Variants in DZIP3 observed in about 807,000 individuals in gnomAD.
The protein encoded by DZIP3 is E3 ubiquitin-protein ligase DZIP3.
Under a neutral mutation model 162.0 loss-of-function variants are expected in DZIP3, and 118 were observed. The ratio of observed to expected loss-of-function variants is 0.73; its 90% CI spans 0.63 to 0.85. The LOEUF is 0.85. DZIP3 is among the 40% of genes least tolerant of loss of function. DZIP3 has a pLI of 0.00. For synonymous variants in DZIP3, 438 were observed against 458.6 expected, an observed-to-expected ratio of 0.96 and a Z score of 0.57; for missense variants, 1,331 against 1,407.0, an observed-to-expected ratio of 0.95 and a Z score of 0.86.
At chr3:108,686,899 A>T (rs1380721967) in intron 28 of DZIP3, among the ~76,000 whole-genome samples, 1 of 152,174 alleles carries the variant, frequency 6.6e-6, no homozygotes, top group Non-Finnish European at 1.5e-5. Flanking sequence ...TTATTATCTT[A>T]ACCTATCTCC....
chr3:108,608,668 T>A (rs1940526214), intron 3 of DZIP3, among the ~76,000 whole-genome samples: 1 of 152,200 alleles, frequency 6.6e-6, no homozygotes. Flanking sequence ...TTACCAGTGA[T>A]ATACTTTTAT....
At position 108,688,010 on chromosome 3, in the gene DZIP3, G is replaced by C; in HGVS notation, c.3184G>C (p.Asp1062His). 6.2e-7 allele frequency: 1 copy of C among 1,613,560 alleles called. No homozygotes were observed. Among genetic ancestry groups the C allele is most frequent in the Non-Finnish European group, 8.5e-7 (1 of 1,179,760 alleles). The change falls in exon 29 of 33, where the codon GAT becomes CAT. Residue 1062 changes from aspartate (D) to histidine (H), a missense_variant. Asp to His is a moderately conservative substitution (Grantham distance 81). Coordinates refer to ENST00000361582, the MANE Select transcript of DZIP3 (RefSeq NM_014648.4). ...TACAGATTTCTTACGGAAATTGAAG[G>C]ATGCTTATGGAAAATCCTTGTCTGA... ...ELTDFLRKLKDAYGKSLSELT... is the reference protein window; with the variant it reads ...ELTDFLRKLKHAYGKSLSELT...
At chr3:108,620,856 C>CT (rs1280181518) in intron 5 of DZIP3, among the ~76,000 whole-genome samples, 1 of 152,178 alleles carries the variant, frequency 6.6e-6, no homozygotes, top group Admixed American at 6.5e-5. Context: ...GAGTCTCACT[C>CT]TGTCACCCAG....
At chr3:108,652,100 A>G (rs551135837) in intron 18 of DZIP3, among the ~76,000 whole-genome samples, 37 of 151,894 alleles carry the variant, frequency 2.4e-4, no homozygotes, top group Non-Finnish European at 4.1e-4. Context: ...AGCGTAATAA[A>G]AATGAAACAA....
At chr3:108,680,015 A>G (rs928447127) in intron 26 of DZIP3, among the ~76,000 whole-genome samples, 1 of 152,142 alleles carries the variant, frequency 6.6e-6, no homozygotes, top group African/African-American at 2.4e-5. Context: ...AATATGATAC[A>G]TCATATCAAC....
chr3:108,628,009 G>C (rs1260422458), intron 7 of DZIP3, among the ~76,000 whole-genome samples: 2 of 151,808 alleles, frequency 1.3e-5, no homozygotes, highest in African/African-American at 2.4e-5. Context: ...CTCCCAAGTA[G>C]CTGGGATTAC....
rs1943453746 is a variant in DZIP3, at chr3:108,661,899, C to G, written c.2222C>G (p.Thr741Arg). 4 of 1,613,722 alleles carry G rather than the reference C, an allele frequency of 2.5e-6. No individual in the cohort carries two copies. The highest frequency in any genetic ancestry group is 3.4e-6 in the Non-Finnish European group (4 of 1,179,886). The change falls in exon 20 of 33, where the codon ACA (threonine) becomes AGA (arginine). Residue 741 changes from threonine to arginine, a missense_variant. Physicochemically the swap from Thr to Arg is moderately conservative, Grantham distance 71 (BLOSUM62 -1). Transcript: ENST00000361582. ...IEQGSAGKVT[T>R]DYGETEKERL... ...TAGGGCTCAGCTGGCAAAGTAACTA[C>G]AGACTATGGAGAAACTGAAAAGGAA...
Position 108,688,662 on chromosome 3 carries a change from G to T in DZIP3, c.3340G>T (p.Ala1114Ser), listed in dbSNP as rs1471446855. The change falls in exon 30 of 33, where the codon GCC becomes TCC. Residue 1114 changes from alanine (A) to serine (S), a missense_variant. By Grantham distance (99) the Ala-to-Ser change is moderately conservative. Transcript: ENST00000361582. ...TCATTCTCCATCACAGCCTGATGCTGCCCAGCCCCCAAAACCAGCCTGGAG... is the reference window on the plus strand; with the variant it reads ...TCATTCTCCATCACAGCCTGATGCTTCCCAGCCCCCAAAACCAGCCTGGAG... ...PSHSPSQPDAAQPPKPAWRPL... is the reference protein window; with the variant it reads ...PSHSPSQPDASQPPKPAWRPL... The T allele has an allele frequency of 6.2e-7, 1 of 1,614,092 alleles. No individual in the cohort carries two copies. Among genetic ancestry groups the T allele is most frequent in the Non-Finnish European group, 8.5e-7 (1 of 1,180,010 alleles).
intron 8 of DZIP3, 81 bp from the exon 9 acceptor site, chr3:108,632,872 G>C (rs1576388932): frequency 2.5e-6 from 2 of 815,570 alleles, no homozygotes; most frequent in East Asian, 3.4e-5. Flanking sequence ...ATATTACCAA[G>C]GTAAAACATG....
intron 19 of DZIP3, among the ~76,000 whole-genome samples, chr3:108,654,946 C>T (rs1195537683): frequency 1.3e-5 from 2 of 152,128 alleles, no homozygotes; most frequent in Non-Finnish European, 2.9e-5. Flanking sequence ...TGTAGGAATA[C>T]TCATTGTCTA....
intron 7 of DZIP3, among the ~76,000 whole-genome samples, chr3:108,627,459 G>T (rs1382766254): frequency 6.6e-6 from 1 of 152,114 alleles, no homozygotes; most frequent in Non-Finnish European, 1.5e-5. Context: ...TTAGTGGTGG[G>T]TTCTGTGTTT....
rs749443849 is a variant in DZIP3 at position 108,651,159 on chromosome 3, A to G, written c.2030A>G (p.Gln677Arg). ...CAGAATAAAGACTCAAAAGAAGACC[A>G]AGTGTAAGTATTAGTTTATTTAATT... Reference protein sequence around the residue: ...NKKNKDSKEDQVPYVVEKEEQ... With the variant: ...NKKNKDSKEDRVPYVVEKEEQ... Residue 677 changes from glutamine to arginine, a missense_variant, in exon 18 of 33, where the codon CAA (glutamine) becomes CGA (arginine). Around this residue, in one of 2 missense-constraint regions of DZIP3, gnomAD observed 1,278 missense variants for 1,317.1 expected, o/e 0.97. Transcript: ENST00000361582. 2 of 748,012 alleles carry G rather than the reference A, an allele frequency of 2.7e-6. No homozygotes were observed. Among genetic ancestry groups the G allele is most frequent in the South Asian group, 2.1e-5 (1 of 47,906 alleles). The allele number at this position is 748,012 out of a possible 1,614,324, so 46.3% of individuals were successfully genotyped here.
intron 3 of DZIP3, among the ~76,000 whole-genome samples, chr3:108,610,133 G>C (rs933274578): frequency 6.6e-6 from 1 of 151,982 alleles, no homozygotes. Flanking sequence ...GTTAGTAAAC[G>C]GTTAACATTT....
At chr3:108,630,387 A>G (rs866791749) in intron 8 of DZIP3, among the ~76,000 whole-genome samples, 5 of 152,246 alleles carry the variant, frequency 3.3e-5, no homozygotes, top group Middle Eastern at 3.4e-3. Context: ...ATAAAATTCA[A>G]TTATCCAGGA....
chr3:108,624,670 CTTACCATTCATGTAAAATAAAAAA>C (rs900376274), intron 6 of DZIP3, 146 bp downstream of exon 6: 11 of 464,672 alleles, frequency 2.4e-5, no homozygotes, highest in African/African-American at 4.1e-5. Flanking sequence ...CTTTTGAATG[CTTACCATTCATGTAAAATAAAAAA>C]TTATTTAGCT....
At chr3:108,684,973 G>A (rs1490430653) in intron 27 of DZIP3, among the ~76,000 whole-genome samples, 5 of 152,144 alleles carry the variant, frequency 3.3e-5, no homozygotes, top group Non-Finnish European at 5.9e-5. Context: ...AAAGAATGAT[G>A]TTAGATGTAA....
chr3:108,624,300 G>T, intron 5 of DZIP3, 144 bp from the exon 6 acceptor site: 3 of 332,980 alleles, frequency 9.0e-6, no homozygotes, highest in Non-Finnish European at 1.9e-5. Context: ...ATACATTATC[G>T]TTATTATTAG....
At chr3:108,690,578 G>T (rs191449350) in intron 31 of DZIP3, among the ~76,000 whole-genome samples, 1 of 152,270 alleles carries the variant, frequency 6.6e-6, no homozygotes, top group East Asian at 1.9e-4. Flanking sequence ...GAATAAACTG[G>T]CTAAAAGGTA....
chr3:108,616,741 T>C, intron 5 of DZIP3, 84 bp downstream of exon 5: 1 of 954,690 alleles, frequency 1.0e-6, no homozygotes, highest in Admixed American at 2.4e-5. Context: ...ATGCTTATTT[T>C]AAGGTGTGGG....
Sources: allele counts gnomAD v4.1 joint callset (sites outside exome capture counted in the v4.1 genomes callset), GRCh38; gene constraint gnomAD v4.1.1; regional missense constraint gnomAD v4.1.1; transcripts MANE v1.5; gene names NCBI Gene and HGNC (gene_info 2026-07-23, HGNC 2026-07-21).